Variants in MYLIP observed in about 807,000 individuals in gnomAD.
The protein encoded by MYLIP is myosin regulatory light chain interacting protein.
Under a neutral mutation model 45.8 loss-of-function variants are expected in MYLIP, and 26 were observed. That is an observed-to-expected ratio of 0.57 (90% CI 0.42 to 0.79). The LOEUF (loss-of-function observed/expected upper bound fraction) is 0.79. Ranked by LOEUF, MYLIP falls within the 30% of genes least tolerant of loss-of-function variation. MYLIP has a pLI of 0.00. For missense variants in MYLIP, 494 were observed against 555.6 expected (o/e 0.89, Z 1.11); for synonymous variants, 213 against 218.1 (o/e 0.98, Z 0.21).
At position 16,146,711 on chromosome 6, in the gene MYLIP, T is replaced by G; in HGVS notation, c.1298T>G (p.Leu433Arg). 1 of 1,611,956 alleles carries G rather than the reference T, an allele frequency of 6.2e-7. No individual in the cohort carries two copies. Among genetic ancestry groups the G allele is most frequent in the Non-Finnish European group, 8.5e-7 (1 of 1,178,802 alleles). Residue 433 changes from leucine to arginine, a missense_variant, in exon 7 of 7, where the codon CTG becomes CGG. Coordinates refer to ENST00000356840, the MANE Select transcript of MYLIP (RefSeq NM_013262.4). ...SRVEHVQHVY[L>R]PTHTSLLNLT... The stretch of plus-strand genomic sequence containing the variant: ...GTGGAGCATGTCCAGCACGTCTATC[T>G]GCCAACGCACACCAGTCTTCTCAAT...
At chr6:16,135,812 A>T (rs1406995206) in intron 2 of MYLIP, among the ~76,000 whole-genome samples, 4 of 144,976 alleles carry the variant, frequency 2.8e-5, no homozygotes, top group African/African-American at 1.0e-4. Flanking sequence ...GTATATATAC[A>T]GTATATATTC....
intron 2 of MYLIP, among the ~76,000 whole-genome samples, chr6:16,131,553 TTACAGTGGCA>T (rs1759460522): frequency 1.3e-5 from 2 of 152,230 alleles, no homozygotes; most frequent in Non-Finnish European, 2.9e-5. Context: ...GACTTCAATC[TTACAGTGGCA>T]TATCAAAAAA....
intron 2 of MYLIP, among the ~76,000 whole-genome samples, chr6:16,131,380 ATCTCTCT>A (rs1759458091): frequency 6.6e-6 from 1 of 152,242 alleles, no homozygotes; most frequent in Non-Finnish European, 1.5e-5. Flanking sequence ...GATTGAATTT[ATCTCTCT>A]ACGTTGTAAA....
At chr6:16,135,748 CATATATCTATATATATATAT>C (rs1207336300) in intron 2 of MYLIP, among the ~76,000 whole-genome samples, 2 of 113,152 alleles carry the variant, frequency 1.8e-5, no homozygotes, top group Non-Finnish European at 1.9e-5. Flanking sequence ...TGTGTGTATA[CATATATCTATATATATATAT>C]ATATATATAT....
chr6:16,138,872 A>G (rs1759608825), intron 2 of MYLIP, among the ~76,000 whole-genome samples: 1 of 152,178 alleles, frequency 6.6e-6, no homozygotes, highest in Non-Finnish European at 1.5e-5. Flanking sequence ...GAGTATGTCG[A>G]AAAGGTCAAT....
Position 16,141,787 on chromosome 6 carries a change from G to C in MYLIP, c.441G>C (p.Glu147Asp). 1 of 1,613,052 alleles carries C rather than the reference G, an allele frequency of 6.2e-7. No individual in the cohort carries two copies. The highest frequency in any genetic ancestry group is 8.5e-7 in the Non-Finnish European group (1 of 1,179,268). ...KYNYEELCAK[E>D]LSSATLNSIV... ...ACTATGAGGAGCTCTGTGCCAAGGA[G>C]CTCTCCTCTGCCACCTTGAACAGGT... The change falls in exon 3 of 7, where the codon GAG becomes GAC. Residue 147 changes from glutamate to aspartate, a missense_variant. Coordinates refer to ENST00000356840, the MANE Select transcript of MYLIP (RefSeq NM_013262.4).
chr6:16,152,615 T>C (rs185141771), downstream of MYLIP, among the ~76,000 whole-genome samples: 5 of 152,296 alleles, frequency 3.3e-5, no homozygotes, highest in Admixed American at 1.3e-4. Flanking sequence ...ATATCTGAGA[T>C]GTAGTTCTTG....
chr6:16,161,774 A>T, the MYLIP span, among the ~76,000 whole-genome samples: 1 of 152,240 alleles, frequency 6.6e-6, no homozygotes, highest in Non-Finnish European at 1.5e-5. Flanking sequence ...TATTATCCGT[A>T]CAATTTATAC....
At chr6:16,136,214 C>G (rs962920260) in intron 2 of MYLIP, among the ~76,000 whole-genome samples, 1 of 152,144 alleles carries the variant, frequency 6.6e-6, no homozygotes, top group Non-Finnish European at 1.5e-5. Flanking sequence ...TGAAGCCCTT[C>G]TGCAGTCAAC....
At chr6:16,157,759 C>G in the MYLIP span, among the ~76,000 whole-genome samples, 3 of 152,234 alleles carry the variant, frequency 2.0e-5, no homozygotes, top group African/African-American at 7.2e-5. Context: ...GCAAGCCAGG[C>G]AGATGTGATG....
the MYLIP span, among the ~76,000 whole-genome samples, chr6:16,160,386 G>A: frequency 6.6e-6 from 1 of 152,082 alleles, no homozygotes; most frequent in East Asian, 1.9e-4. Flanking sequence ...TTTAGGGGAG[G>A]CTGAACCTTC....
At chr6:16,162,265 A>G in the MYLIP span, among the ~76,000 whole-genome samples, 10 of 152,306 alleles carry the variant, frequency 6.6e-5, no homozygotes, top group East Asian at 1.9e-3. Flanking sequence ...TTTTATGTCT[A>G]TATGTTCAGG....
At position 16,129,140 on chromosome 6, in the gene MYLIP, A is replaced by G; in HGVS notation, c.-183A>G. ...CGGAGGACAGGGGCAGCTGGCGGGC[A>G]GCGGGTGAGGGGGTGGCGGGGACGC... On this transcript the variant is annotated 5_prime_UTR_variant, in exon 1 of 7. Coordinates refer to ENST00000356840, the MANE Select transcript of MYLIP (RefSeq NM_013262.4). The surrounding 1 kb of genome is among the most constrained non-coding windows in gnomAD (Gnocchi z 5.1). 1.7e-6 allele frequency: 1 copy of G among 589,772 alleles called. No homozygotes were observed. Among genetic ancestry groups the G allele is most frequent in the Non-Finnish European group, 2.9e-6 (1 of 339,526 alleles). 36.5% of individuals were successfully genotyped at this position (589,772 alleles called of 1,614,324 possible). A position where few individuals can be genotyped will look rare whatever the true frequency, so the allele number is the denominator to read the frequency against.
chr6:16,139,344 T>G (rs1477964804), intron 2 of MYLIP, among the ~76,000 whole-genome samples: 1 of 148,164 alleles, frequency 6.7e-6, no homozygotes, highest in Non-Finnish European at 1.5e-5. Flanking sequence ...GCCCAGATCG[T>G]GCCATAGCAC....
intron 3 of MYLIP, among the ~76,000 whole-genome samples, chr6:16,142,347 C>G (rs987914520): frequency 2.0e-5 from 3 of 152,142 alleles, no homozygotes; most frequent in Non-Finnish European, 4.4e-5. Context: ...TACAAATCTC[C>G]TAAAATAAAA....
At chr6:16,151,750 C>G (rs1759882645), downstream of MYLIP, among the ~76,000 whole-genome samples, 1 of 152,190 alleles carries the variant, frequency 6.6e-6, no homozygotes, top group Admixed American at 6.5e-5. Flanking sequence ...CAGGACCACA[C>G]AAATGATACA....
chr6:16,155,244 G>A, the MYLIP span, among the ~76,000 whole-genome samples: 1 of 152,222 alleles, frequency 6.6e-6, no homozygotes, highest in African/African-American at 2.4e-5. Flanking sequence ...CTGGCCAAAA[G>A]ACCAGAGCCA....
chr6:16,133,118 A>C (rs902016886), intron 2 of MYLIP, among the ~76,000 whole-genome samples: 1 of 152,212 alleles, frequency 6.6e-6, no homozygotes, highest in East Asian at 1.9e-4. Context: ...TGTTTGTCAT[A>C]GGACAGCACC....
chr6:16,151,362 AAAAAAGAAAAAAG>A (rs1244091250), downstream of MYLIP, among the ~76,000 whole-genome samples: 5 of 151,640 alleles, frequency 3.3e-5, no homozygotes, highest in Non-Finnish European at 2.9e-5. Flanking sequence ...ATCTCAAAAA[AAAAAAGAAAAAAG>A]AAAAAGAAAA....
Sources: gnomAD v4.1 joint callset for allele counts (sites outside exome capture counted in the v4.1 genomes callset) on GRCh38, gnomAD v4.1.1 for gene constraint, Gnocchi (gnomAD v3.1) non-coding constraint, MANE v1.5 for transcripts, NCBI Gene and HGNC (gene_info 2026-07-23, HGNC 2026-07-21) for gene names.